Variants in CAAP1 observed in about 807,000 individuals in gnomAD.
The protein encoded by CAAP1 is caspase activity and apoptosis inhibitor 1.
Under a neutral mutation model 34.0 loss-of-function variants are expected in CAAP1, and 20 were observed. The ratio of observed to expected loss-of-function variants is 0.59; its 90% CI spans 0.41 to 0.86. CAAP1 has a LOEUF of 0.86. Among genes scored for constraint, CAAP1 ranks in the 40% least tolerant of loss-of-function variants. The pLI is 0.00. For missense variants in CAAP1, 538 were observed against 450.5 expected (o/e 1.19, Z -1.76); for synonymous variants, 213 against 166.7 (o/e 1.28, Z -2.14).
At chr9:26,886,243 A>G (rs1823735815) in intron 2 of CAAP1, 55 bp from the exon 3 acceptor site, 1 of 857,734 alleles carries the variant, frequency 1.2e-6, no homozygotes, top group Non-Finnish European at 1.7e-6. Context: ...CCCCAATGTA[A>G]ACTGGAAAAT....
intron 5 of CAAP1, among the ~76,000 whole-genome samples, chr9:26,859,150 T>C (rs1177598824): frequency 6.6e-6 from 1 of 152,196 alleles, no homozygotes; most frequent in African/African-American, 2.4e-5. Context: ...GTGTTCCTAA[T>C]GTCTCATACC....
At chr9:26,848,000 T>A (rs932886438) in intron 5 of CAAP1, among the ~76,000 whole-genome samples, 1 of 152,128 alleles carries the variant, frequency 6.6e-6, no homozygotes, top group Admixed American at 6.5e-5. Context: ...TGTTCTAGAG[T>A]TTGTCTTGGC....
intron 1 of CAAP1, among the ~76,000 whole-genome samples, chr9:26,889,155 G>A (rs1283044835): frequency 3.9e-5 from 6 of 152,138 alleles, no homozygotes; most frequent in Admixed American, 3.3e-4. Flanking sequence ...GGTGGCTCAC[G>A]CCTGTAATCC....
At chr9:26,892,030 T>A (rs1179199004) in intron 1 of CAAP1, among the ~76,000 whole-genome samples, 1 of 152,062 alleles carries the variant, frequency 6.6e-6, no homozygotes, top group African/African-American at 2.4e-5. Flanking sequence ...AATTTTCTTA[T>A]CTCTAATGCG....
intron 5 of CAAP1, among the ~76,000 whole-genome samples, chr9:26,848,816 GGCTGTTCTATTTA>G (rs1822677106): frequency 1.3e-5 from 2 of 152,046 alleles, no homozygotes; most frequent in Non-Finnish European, 2.9e-5. Context: ...TTAGAGTGTT[GGCTGTTCTATTTA>G]GCTGCCAAAT....
intron 5 of CAAP1, among the ~76,000 whole-genome samples, chr9:26,846,001 C>T (rs1822592411): frequency 6.6e-6 from 1 of 151,900 alleles, no homozygotes; most frequent in Non-Finnish European, 1.5e-5. Context: ...GGATATATGG[C>T]CGTGAAAAGG....
intron 5 of CAAP1, among the ~76,000 whole-genome samples, chr9:26,848,608 G>C (rs973899702): frequency 6.6e-6 from 1 of 152,144 alleles, no homozygotes; most frequent in African/African-American, 2.4e-5. Context: ...TGCCACAAGT[G>C]TTTACTTTTA....
At chr9:26,849,849 T>G (rs993515519) in intron 5 of CAAP1, among the ~76,000 whole-genome samples, 1 of 151,944 alleles carries the variant, frequency 6.6e-6, no homozygotes, top group Non-Finnish European at 1.5e-5. Flanking sequence ...CAATTTTTTT[T>G]TTTTTTTGAG....
In CAAP1 at chr9:26,841,295, C is replaced by T. The variant is rs1168740890; in HGVS notation, c.*1006G>A. On this transcript the variant is annotated 3_prime_UTR_variant, in exon 6 of 6. Transcript: ENST00000333916. ...ATTTATTTTAAGTTAAGGATCTCTA[C>T]GTAAATTTATTTTGGTATCAAACAA... The T allele has an allele frequency of 1.3e-5, 2 of 152,376 alleles. No individual in the cohort carries two copies. Among genetic ancestry groups the T allele is most frequent in the African/African-American group, 4.8e-5 (2 of 41,380 alleles). The allele number at this position is 152,376 out of a possible 1,614,324, so 9.4% of individuals were successfully genotyped here. A position where few individuals can be genotyped will look rare whatever the true frequency, so the allele number is the denominator to read the frequency against.
chr9:26,881,296 G>T (rs1052355086), intron 4 of CAAP1, among the ~76,000 whole-genome samples: 1 of 152,172 alleles, frequency 6.6e-6, no homozygotes, highest in Non-Finnish European at 1.5e-5. Flanking sequence ...GTTATAAAAA[G>T]TTAAATAGCT....
chr9:26,848,341 G>A (rs771463459), intron 5 of CAAP1, among the ~76,000 whole-genome samples: 8 of 151,990 alleles, frequency 5.3e-5, no homozygotes, highest in Admixed American at 1.3e-4. Context: ...GTGAAGCCCC[G>A]TCTCTACCAA....
At chr9:26,846,441 A>AG (rs375251395) in intron 5 of CAAP1, among the ~76,000 whole-genome samples, 1,440 of 129,138 alleles carry the variant, frequency 0.011, 35 homozygotes, top group African/African-American at 0.04. Context: ...AAAAAAAAAG[A>AG]AGAAGAAAAA....
chr9:26,874,189 A>G (rs1823360981), intron 4 of CAAP1, among the ~76,000 whole-genome samples: 1 of 147,822 alleles, frequency 6.8e-6, no homozygotes. Flanking sequence ...CCTGGGCAAC[A>G]AAGTGAGACT....
chr9:26,892,232 A>C, intron 1 of CAAP1, 181 bp downstream of exon 1: 1 of 1,448,918 alleles, frequency 6.9e-7, no homozygotes, highest in Non-Finnish European at 9.1e-7. Context: ...TCAAGATTCA[A>C]GACACGGATG....
chr9:26,851,406 C>T (rs1822747817), intron 5 of CAAP1, among the ~76,000 whole-genome samples: 2 of 151,944 alleles, frequency 1.3e-5, no homozygotes, highest in Admixed American at 6.6e-5. Context: ...GGTATGTGAG[C>T]CTGACAGAAT....
chr9:26,850,910 G>A (rs1822734632), intron 5 of CAAP1, among the ~76,000 whole-genome samples: 1 of 152,136 alleles, frequency 6.6e-6, no homozygotes, highest in East Asian at 1.9e-4. Flanking sequence ...ATTCAGTAAA[G>A]AAAACCTGTC....
intron 4 of CAAP1, among the ~76,000 whole-genome samples, chr9:26,870,535 T>C (rs1036802749): frequency 2.1e-5 from 3 of 143,558 alleles, no homozygotes; most frequent in Non-Finnish European, 3.0e-5. Context: ...CAGGGGTGTG[T>C]ATATAGACAC....
intron 4 of CAAP1, among the ~76,000 whole-genome samples, chr9:26,869,506 G>C (rs1241723122): frequency 1.3e-5 from 2 of 151,932 alleles, no homozygotes; most frequent in Non-Finnish European, 2.9e-5. Context: ...GAAAAAATCT[G>C]AATGTGGAAA....
At chr9:26,892,160 G>A (rs543300508) in intron 1 of CAAP1, 2 of 998,408 alleles carry the variant, frequency 2.0e-6, no homozygotes, top group South Asian at 3.5e-5. Flanking sequence ...GGAGTGGAAG[G>A]AGCCAAGAGT....
Sources: gnomAD v4.1 joint callset for allele counts (sites outside exome capture counted in the v4.1 genomes callset) on GRCh38, gnomAD v4.1.1 for gene constraint, MANE v1.5 for transcripts, NCBI Gene and HGNC (gene_info 2026-07-23, HGNC 2026-07-21) for gene names.